Variants in EPS15 observed in about 807,000 individuals in gnomAD.
The protein encoded by EPS15 is epidermal growth factor receptor substrate 15.
A neutral mutation model predicts 113.8 loss-of-function variants in EPS15; 72 were observed. The observed-to-expected ratio is 0.63, with a 90% CI of 0.52 to 0.77. The LOEUF (loss-of-function observed/expected upper bound fraction) is 0.77, where lower values mean the gene tolerates loss of function less well. Among genes scored for constraint, EPS15 ranks in the 30% least tolerant of loss-of-function variants. EPS15 has a pLI of 0.00. For missense variants in EPS15, 1,048 were observed against 1,045.8 expected (o/e 1.00, Z -0.03); for synonymous variants, 344 against 363.4 (o/e 0.95, Z 0.61).
chr1:51,460,959 G>C, intron 8 of EPS15, 132 bp downstream of exon 8: 2 of 475,518 alleles, frequency 4.2e-6, no homozygotes, highest in Non-Finnish European at 7.4e-6. Flanking sequence ...GTCTCAAAAA[G>C]AAAAAAAAAA....
At chr1:51,479,177 A>C (rs1331680937) in intron 2 of EPS15, among the ~76,000 whole-genome samples, 1 of 151,792 alleles carries the variant, frequency 6.6e-6, no homozygotes, top group African/African-American at 2.4e-5. Context: ...TTTTTCTCTA[A>C]ACTTCTCTTC....
intron 1 of EPS15, among the ~76,000 whole-genome samples, chr1:51,484,558 G>A (rs1414611945): frequency 6.6e-6 from 1 of 152,048 alleles, no homozygotes; most frequent in African/African-American, 2.4e-5. Context: ...GTCTATAAGT[G>A]CTTTCACCAC....
intron 8 of EPS15, among the ~76,000 whole-genome samples, chr1:51,454,049 CAAAAAAA>C (rs376428827): frequency 0.065 from 5,776 of 88,244 alleles, 180 homozygotes; most frequent in Middle Eastern, 0.18. Context: ...GACTTTGTTT[CAAAAAAA>C]AAAAAAAAAA....
chr1:51,369,813 A>G (rs12085731), intron 21 of EPS15, among the ~76,000 whole-genome samples: 2,827 of 152,284 alleles, frequency 0.019, 87 homozygotes, highest in African/African-American at 0.065. Flanking sequence ...TACAAACTCT[A>G]TGAAGACAGG....
chr1:51,429,743 C>G (rs1173178542), intron 12 of EPS15, among the ~76,000 whole-genome samples: 1 of 151,718 alleles, frequency 6.6e-6, no homozygotes, highest in Non-Finnish European at 1.5e-5. Flanking sequence ...CTCTGCCTCC[C>G]GCATTCAAGT....
chr1:51,462,501 G>A (rs974050963), intron 7 of EPS15, among the ~76,000 whole-genome samples: 1 of 152,138 alleles, frequency 6.6e-6, no homozygotes, highest in African/African-American at 2.4e-5. Context: ...CCCAGCTGAA[G>A]CTGGTGATGA....
At chr1:51,507,959 C>T (rs946800199) in intron 1 of EPS15, among the ~76,000 whole-genome samples, 5 of 151,778 alleles carry the variant, frequency 3.3e-5, no homozygotes, top group East Asian at 1.9e-4. Context: ...AGGTGGATCA[C>T]GAGGTCAGAA....
chr1:51,363,746 C>A, intron 23 of EPS15, 120 bp downstream of exon 23: 1 of 817,006 alleles, frequency 1.2e-6, no homozygotes, highest in Non-Finnish European at 1.8e-6. Flanking sequence ...CAGCAGCAGG[C>A]TTCTGACATA....
chr1:51,424,219 T>C (rs72696110), intron 12 of EPS15, among the ~76,000 whole-genome samples: 4,574 of 152,300 alleles, frequency 0.03, 75 homozygotes, highest in African/African-American at 0.05. Flanking sequence ...GACTGAAAAC[T>C]TGTCCTGTAT....
At chr1:51,430,456 T>A (rs1279323167) in intron 12 of EPS15, among the ~76,000 whole-genome samples, 2 of 151,224 alleles carry the variant, frequency 1.3e-5, no homozygotes, top group Non-Finnish European at 2.9e-5. Flanking sequence ...TAATCCCAGC[T>A]ACCTGAGAGG....
intron 8 of EPS15, among the ~76,000 whole-genome samples, chr1:51,454,536 G>A (rs1653831744): frequency 6.6e-6 from 1 of 152,172 alleles, no homozygotes; most frequent in Non-Finnish European, 1.5e-5. Flanking sequence ...GTTATTCTTT[G>A]CAAAAACTCA....
At chr1:51,406,294 G>A (rs558599914) in intron 15 of EPS15, among the ~76,000 whole-genome samples, 186 bp from the exon 16 acceptor site, 9 of 152,118 alleles carry the variant, frequency 5.9e-5, no homozygotes, top group Admixed American at 2.0e-4. Context: ...TGAGCAACAC[G>A]GTGAAACCTC....
At chr1:51,395,356 G>A (rs1026070176) in intron 20 of EPS15, among the ~76,000 whole-genome samples, 3 of 151,832 alleles carry the variant, frequency 2.0e-5, no homozygotes, top group Admixed American at 1.3e-4. Context: ...GTCCTTTTTC[G>A]ATTCCAGAAT....
chr1:51,498,581 T>G (rs1417080189), intron 1 of EPS15, among the ~76,000 whole-genome samples: 1 of 152,236 alleles, frequency 6.6e-6, no homozygotes, highest in Non-Finnish European at 1.5e-5. Context: ...CTATGATGTT[T>G]GGTAAGTTAG....
At chr1:51,508,340 G>GAAAGAAAGA (rs1644554567) in intron 1 of EPS15, among the ~76,000 whole-genome samples, 1 of 98,424 alleles carries the variant, frequency 1.0e-5, no homozygotes, top group Non-Finnish European at 2.1e-5. Context: ...GAGAAAGAGA[G>GAAAGAAAGA]AAAGAAAGAA....
intron 21 of EPS15, among the ~76,000 whole-genome samples, chr1:51,367,851 G>A (rs2148354558): frequency 6.6e-6 from 1 of 152,350 alleles, no homozygotes; most frequent in South Asian, 2.1e-4. Flanking sequence ...TTCTCCTCAG[G>A]CCGGGCACAG....
intron 2 of EPS15, among the ~76,000 whole-genome samples, chr1:51,477,970 C>T (rs1237919117): frequency 6.6e-6 from 1 of 152,048 alleles, no homozygotes; most frequent in Non-Finnish European, 1.5e-5. Context: ...TCTATTAGGT[C>T]CGGTTGGTGC....
chr1:51,464,313 C>T (rs150288978), intron 6 of EPS15, among the ~76,000 whole-genome samples: 3,316 of 150,506 alleles, frequency 0.022, 29 homozygotes, highest in Middle Eastern at 0.034. Flanking sequence ...AATCTCAGCT[C>T]ACTGTAGCCT....
At chr1:51,403,393 A>G in intron 17 of EPS15, 26 bp downstream of exon 17, 1 of 1,273,234 alleles carries the variant, frequency 7.9e-7, no homozygotes, top group Non-Finnish European at 1.1e-6. Context: ...ACAAGTCCCC[A>G]ATGTAAATAT....
Sources: allele counts gnomAD v4.1 joint callset (sites outside exome capture counted in the v4.1 genomes callset), GRCh38; gene constraint gnomAD v4.1.1; transcripts MANE v1.5; gene names NCBI Gene and HGNC (gene_info 2026-07-23, HGNC 2026-07-21).